Variants in SCAPER observed in about 807,000 individuals in gnomAD.
The protein encoded by SCAPER is S phase cyclin A-associated protein in the endoplasmic reticulum.
Under a neutral mutation model 182.2 loss-of-function variants are expected in SCAPER, and 98 were observed. The observed-to-expected ratio is 0.54, with a 90% CI of 0.46 to 0.64. The LOEUF is 0.64. Ranked by LOEUF, SCAPER falls within the 30% of genes least tolerant of loss-of-function variation. The probability of loss-of-function intolerance (pLI) is 0.00; values close to 1 mark genes in which losing one functional copy is unlikely to be tolerated. For synonymous variants in SCAPER, 605 were observed against 564.6 expected (o/e 1.07, Z -1.01); for missense variants, 1,432 against 1,690.0 (o/e 0.85, Z 2.68).
intron 26 of SCAPER, among the ~76,000 whole-genome samples, chr15:76,433,237 G>C (rs1422905044): frequency 1.3e-5 from 2 of 152,164 alleles, no homozygotes; most frequent in African/African-American, 4.8e-5. Context: ...GCCAGGTGTG[G>C]TGACTCACAC....
intron 7 of SCAPER, among the ~76,000 whole-genome samples, chr15:76,796,992 T>C (rs975893909): frequency 2.0e-5 from 3 of 152,176 alleles, no homozygotes; most frequent in Non-Finnish European, 2.9e-5. Context: ...AATACAGAGA[T>C]ACGGCAGTAA....
chr15:76,637,229 G>C (rs1431989801), intron 21 of SCAPER, among the ~76,000 whole-genome samples: 4 of 151,826 alleles, frequency 2.6e-5, no homozygotes, highest in Non-Finnish European at 5.9e-5. Context: ...TAAAATTTTT[G>C]TTTGAATATG....
At chr15:76,431,442 G>A (rs2046848954) in intron 26 of SCAPER, among the ~76,000 whole-genome samples, 1 of 151,822 alleles carries the variant, frequency 6.6e-6, no homozygotes, top group Non-Finnish European at 1.5e-5. Flanking sequence ...ATGTCTCTTA[G>A]ATATCTTCCT....
chr15:76,374,420 G>A (rs1175592463), intron 29 of SCAPER, among the ~76,000 whole-genome samples: 2 of 151,634 alleles, frequency 1.3e-5, no homozygotes, highest in African/African-American at 4.8e-5. Flanking sequence ...TAAGAGTTAA[G>A]GGGTTGTTCA....
At chr15:76,762,995 G>A (rs1200644042) in intron 14 of SCAPER, among the ~76,000 whole-genome samples, 2 of 152,042 alleles carry the variant, frequency 1.3e-5, no homozygotes, top group Non-Finnish European at 2.9e-5. Flanking sequence ...AGTTATTTCT[G>A]TACCACCCTT....
intron 17 of SCAPER, among the ~76,000 whole-genome samples, chr15:76,722,669 T>C (rs2060324241): frequency 6.6e-6 from 1 of 152,216 alleles, no homozygotes; most frequent in Non-Finnish European, 1.5e-5. Context: ...GGTGTATGTG[T>C]CAAGGAATTT....
chr15:76,405,131 T>TA (rs1555425273), intron 26 of SCAPER, among the ~76,000 whole-genome samples: 21 of 149,398 alleles, frequency 1.4e-4, no homozygotes, highest in African/African-American at 5.2e-4. Flanking sequence ...TTTTTTTTTT[T>TA]AGAGACAGCG....
chr15:76,629,993 G>A (rs543577796), intron 21 of SCAPER, among the ~76,000 whole-genome samples: 114 of 152,184 alleles, frequency 7.5e-4, no homozygotes, highest in South Asian at 2.1e-3. Flanking sequence ...GTCTTGGGAG[G>A]GTGTTTATGT....
At chr15:76,877,657 T>C (rs958695385) in intron 2 of SCAPER, among the ~76,000 whole-genome samples, 1 of 152,200 alleles carries the variant, frequency 6.6e-6, no homozygotes, top group Admixed American at 6.5e-5. Context: ...AACCTGAATC[T>C]AATCATGATG....
intron 20 of SCAPER, among the ~76,000 whole-genome samples, chr15:76,689,609 G>C (rs1481059823): frequency 6.6e-6 from 1 of 151,872 alleles, no homozygotes; most frequent in Non-Finnish European, 1.5e-5. Context: ...CTAAACCTGA[G>C]GGCCTAGAAG....
intron 23 of SCAPER, among the ~76,000 whole-genome samples, chr15:76,536,117 T>A (rs985626801): frequency 1.5e-4 from 23 of 152,238 alleles, no homozygotes; most frequent in African/African-American, 5.5e-4. Flanking sequence ...TTTGCAAGAA[T>A]GTTTTAACTT....
At chr15:76,525,917 T>A (rs901000879) in intron 23 of SCAPER, among the ~76,000 whole-genome samples, 3 of 152,204 alleles carry the variant, frequency 2.0e-5, no homozygotes, top group South Asian at 2.1e-4. Flanking sequence ...CTGTTTTAAG[T>A]TCTTCAAGAA....
intron 20 of SCAPER, among the ~76,000 whole-genome samples, chr15:76,666,658 T>A (rs577521733): frequency 6.6e-6 from 1 of 152,170 alleles, no homozygotes; most frequent in South Asian, 2.1e-4. Flanking sequence ...TTTACATTAG[T>A]TAATCTACAC....
At chr15:76,509,930 A>T (rs1279175626) in intron 23 of SCAPER, among the ~76,000 whole-genome samples, 4 of 152,176 alleles carry the variant, frequency 2.6e-5, no homozygotes, top group African/African-American at 9.7e-5. Context: ...AATACTTAAG[A>T]GCCAACTGGT....
intron 8 of SCAPER, among the ~76,000 whole-genome samples, chr15:76,775,335 T>C (rs1253597412): frequency 6.6e-6 from 1 of 152,080 alleles, no homozygotes. Flanking sequence ...GAAATTCAGA[T>C]TAAGGCTGAC....
intron 4 of SCAPER, among the ~76,000 whole-genome samples, chr15:76,846,894 T>C (rs966843562): frequency 2.0e-5 from 3 of 152,092 alleles, no homozygotes; most frequent in African/African-American, 7.2e-5. Flanking sequence ...ATCAAAGAGA[T>C]CTGCACTCTC....
At chr15:76,887,409 C>A (rs564812025) in intron 1 of SCAPER, among the ~76,000 whole-genome samples, 2 of 152,280 alleles carry the variant, frequency 1.3e-5, no homozygotes, top group South Asian at 4.1e-4. Flanking sequence ...CCAAGGGAAG[C>A]CGTGGCAGAC....
At chr15:76,780,806 A>T (rs2064075652) in intron 8 of SCAPER, among the ~76,000 whole-genome samples, 1 of 152,206 alleles carries the variant, frequency 6.6e-6, no homozygotes, top group Admixed American at 6.5e-5. Flanking sequence ...GACTGTCAGA[A>T]GGAAAACTAA....
chr15:76,776,581 G>A (rs1175765054), intron 8 of SCAPER, among the ~76,000 whole-genome samples: 1 of 152,160 alleles, frequency 6.6e-6, no homozygotes, highest in Non-Finnish European at 1.5e-5. Flanking sequence ...GTAGTGGGGG[G>A]CAGATTTGTT....
Sources: allele counts gnomAD v4.1 joint callset (sites outside exome capture counted in the v4.1 genomes callset), GRCh38; gene constraint gnomAD v4.1.1; transcripts MANE v1.5; gene names NCBI Gene and HGNC (gene_info 2026-07-23, HGNC 2026-07-21).